The following ROCK1 variants were observed in gnomAD, a reference collection of about 807,000 sequenced individuals.
The protein encoded by ROCK1 is rho-associated protein kinase 1.
Under a neutral mutation model 196.8 loss-of-function variants are expected in ROCK1, and 36 were observed. That is an observed-to-expected ratio of 0.18 (90% confidence interval 0.14 to 0.24). The LOEUF (loss-of-function observed/expected upper bound fraction) is 0.24. ROCK1 is among the 10% of genes least tolerant of loss of function. The pLI is 1.00. For synonymous variants in ROCK1, 443 were observed against 515.9 expected (o/e 0.86, Z 1.91); for missense variants, 920 against 1,562.0 (o/e 0.59, Z 6.93).
intron 29 of ROCK1, among the ~76,000 whole-genome samples, chr18:20,959,174 TATATAATATTA>T: frequency 1.2e-5 from 1 of 82,330 alleles, no homozygotes; most frequent in South Asian, 2.8e-4. Flanking sequence ...TTATATAATA[TATATAATATTA>T]TATATAATAT....
chr18:21,091,776 G>C (rs987479860), intron 1 of ROCK1, among the ~76,000 whole-genome samples: 49 of 152,184 alleles, frequency 3.2e-4, no homozygotes, highest in African/African-American at 1.2e-3. Flanking sequence ...TTTGAGACCA[G>C]GCTGGCCTAC....
At chr18:21,096,006 A>T (rs2036609782) in intron 1 of ROCK1, among the ~76,000 whole-genome samples, 1 of 152,010 alleles carries the variant, frequency 6.6e-6, no homozygotes, top group Admixed American at 6.6e-5. Context: ...AAAAAAAATA[A>T]GAGTAGAATC....
At position 21,058,565 on chromosome 18, in the gene ROCK1, C is replaced by A. The variant is rs76304236; in HGVS notation, c.176-8685G>T. Among the ~76,000 whole-genome samples, 3 of 152,212 alleles carry A rather than the reference C, an allele frequency of 2.0e-5. No individual in the cohort carries two copies. In the East Asian group the frequency reaches 5.8e-4, roughly 29 times the overall value. ...AAATTAAACTTATTTGAAAAATTCA[C>A]AAGAATGTTATATTCAATTCCATAA... On this transcript the variant is annotated intron_variant, in intron 2 of 32. Coordinates refer to ENST00000399799, the MANE Select transcript of ROCK1 (RefSeq NM_005406.3).
intron 1 of ROCK1, among the ~76,000 whole-genome samples, chr18:21,101,382 A>G (rs929602851): frequency 6.6e-6 from 1 of 152,232 alleles, no homozygotes; most frequent in Non-Finnish European, 1.5e-5. Flanking sequence ...TAGCATCACT[A>G]CAGGCCAGGC....
In ROCK1 at chr18:21,111,032, G is replaced by A. The variant is rs1029736875; in HGVS notation, c.-122C>T. 1.4e-6 allele frequency: 1 copy of A among 724,886 alleles called. No individual in the cohort carries two copies. Among genetic ancestry groups the A allele is most frequent in the African/African-American group, 1.7e-5 (1 of 57,194 alleles). The allele number at this position is 724,886 out of a possible 1,614,324, so 44.9% of individuals were successfully genotyped here. A position where few individuals can be genotyped will look rare whatever the true frequency, so the allele number is the denominator to read the frequency against. ...AGGAGCCGGAACCTCAGGGTCACCA[G>A]GTGCGCCCGGTTCCCCCGTCTTCCC... On this transcript the variant is annotated 5_prime_UTR_variant, in exon 1 of 33. Transcript: ENST00000399799. This position sits in a 1 kb window ranked among gnomAD's most constrained non-coding sequence, Gnocchi z 4.2.
intron 11 of ROCK1, among the ~76,000 whole-genome samples, chr18:21,023,061 T>C (rs2035927643): frequency 6.6e-6 from 1 of 152,000 alleles, no homozygotes; most frequent in Admixed American, 6.6e-5. Flanking sequence ...AGACAGAAAG[T>C]AGAACAGTGG....
At chr18:21,005,750 A>C (rs2035763217) in intron 16 of ROCK1, among the ~76,000 whole-genome samples, 1 of 152,026 alleles carries the variant, frequency 6.6e-6, no homozygotes, top group South Asian at 2.1e-4. Flanking sequence ...GGTGGCATGC[A>C]CCTGTAGTCC....
chr18:21,062,564 G>T (rs1017991716), intron 2 of ROCK1, among the ~76,000 whole-genome samples: 16 of 152,002 alleles, frequency 1.1e-4, no homozygotes, highest in African/African-American at 3.9e-4. Flanking sequence ...GGGGAGAAAA[G>T]GCAAATCTTC....
intron 1 of ROCK1, among the ~76,000 whole-genome samples, chr18:21,085,862 TCACAA>T (rs2036522141): frequency 6.6e-6 from 1 of 152,078 alleles, no homozygotes; most frequent in Admixed American, 6.6e-5. Flanking sequence ...TCCAAATGAG[TCACAA>T]AAATATATTC....
intron 1 of ROCK1, among the ~76,000 whole-genome samples, chr18:21,089,103 C>T (rs1392639783): frequency 6.6e-6 from 1 of 151,770 alleles, no homozygotes; most frequent in Admixed American, 6.6e-5. Flanking sequence ...TAGAGTGCAG[C>T]GGCGCAATCT....
chr18:21,002,495 A>C (rs914844783), intron 16 of ROCK1, among the ~76,000 whole-genome samples: 1 of 152,164 alleles, frequency 6.6e-6, no homozygotes, highest in South Asian at 2.1e-4. Flanking sequence ...TGTTCCAAAA[A>C]CTGACAAAGA....
Position 21,049,890 on chromosome 18 carries a change from A to C in ROCK1, c.176-10T>G. 1.3e-6 allele frequency: 2 copies of C among 1,487,244 alleles called. No individual in the cohort carries two copies. Among genetic ancestry groups the C allele is most frequent in the South Asian group, 1.2e-5 (1 of 82,456 alleles). The allele number at this position is 1,487,244 out of a possible 1,614,324, so 92.1% of individuals were successfully genotyped here. ...TTTATTGTGTCTTTATCTGTATGAA[A>C]AGAAAAGTTTATCATTTTAAATCAC... On this transcript the variant is annotated splice_polypyrimidine_tract_variant and intron_variant, in intron 2 of 32. Transcript: ENST00000399799.
chr18:20,986,006 G>A (rs754131468), intron 19 of ROCK1, among the ~76,000 whole-genome samples: 14 of 152,000 alleles, frequency 9.2e-5, no homozygotes, highest in Non-Finnish European at 1.6e-4. Flanking sequence ...CTATAGGCAT[G>A]CGACACCACA....
chr18:20,957,388 G>A (rs1247253338), intron 29 of ROCK1, among the ~76,000 whole-genome samples: 1 of 152,210 alleles, frequency 6.6e-6, no homozygotes, highest in Non-Finnish European at 1.5e-5. Context: ...GTACATTACT[G>A]TTTAATTCCA....
chr18:21,080,240 A>G (rs561593520), intron 1 of ROCK1, among the ~76,000 whole-genome samples: 1 of 152,322 alleles, frequency 6.6e-6, no homozygotes, highest in South Asian at 2.1e-4. Flanking sequence ...AAGAAACCAC[A>G]AGATATACAA....
At chr18:20,992,080 T>C (rs746467994) in intron 17 of ROCK1, among the ~76,000 whole-genome samples, 8 of 152,224 alleles carry the variant, frequency 5.3e-5, no homozygotes, top group Non-Finnish European at 1.0e-4. Context: ...GTCATTGATA[T>C]AGAAAGGAAA....
intron 1 of ROCK1, among the ~76,000 whole-genome samples, chr18:21,075,371 A>G (rs1430447200): frequency 6.6e-6 from 1 of 152,220 alleles, no homozygotes; most frequent in African/African-American, 2.4e-5. Flanking sequence ...AGTTGATGTG[A>G]GTAGACAGTG....
At chr18:20,958,200 A>G (rs190379090) in intron 29 of ROCK1, among the ~76,000 whole-genome samples, 114 of 152,310 alleles carry the variant, frequency 7.5e-4, no homozygotes, top group African/African-American at 2.6e-3. Flanking sequence ...TTAAATTTTG[A>G]CAACTAAAGC....
chr18:21,033,854 T>TAAAAAAAAAAAAAAAAAAAAAAAAAAAA (rs71269004), intron 9 of ROCK1, among the ~76,000 whole-genome samples: 2 of 33,462 alleles, frequency 6.0e-5, no homozygotes, highest in African/African-American at 1.1e-4. Flanking sequence ...CCGTTTCTAC[T>TAAAAAAAAAAAAAAAAAAAAAAAAAAAA]AAAAAAAAAA....
Sources: gnomAD v4.1 joint callset for allele counts (sites outside exome capture counted in the v4.1 genomes callset) on GRCh38, gnomAD v4.1.1 for gene constraint, Gnocchi (gnomAD v3.1) non-coding constraint, MANE v1.5 for transcripts, NCBI Gene and HGNC (gene_info 2026-07-23, HGNC 2026-07-21) for gene names.